Variants in PANK1 observed in about 807,000 individuals in gnomAD.
The protein encoded by PANK1 is pantothenic acid kinase 1.
PANK1 carries 18 observed loss-of-function variants against 40.1 expected under a neutral mutation model. That is an observed-to-expected ratio of 0.45 (90% CI 0.31 to 0.67). The LOEUF (loss-of-function observed/expected upper bound fraction) is 0.67, where lower values mean the gene tolerates loss of function less well. Among genes scored for constraint, PANK1 ranks in the 30% least tolerant of loss-of-function variants. PANK1 has a pLI of 0.06. For synonymous variants in PANK1, 242 were observed against 237.7 expected (o/e 1.02, Z -0.17); for missense variants, 457 against 599.6 (o/e 0.76, Z 2.48).
At chr10:89,633,701 T>C (rs1430574722) in intron 1 of PANK1, among the ~76,000 whole-genome samples, 1 of 152,166 alleles carries the variant, frequency 6.6e-6, no homozygotes, top group Admixed American at 6.5e-5. Context: ...ACACTCTAGC[T>C]TAAAGTCACA....
chr10:89,617,553 G>A (rs948559711), intron 1 of PANK1, among the ~76,000 whole-genome samples: 1 of 152,200 alleles, frequency 6.6e-6, no homozygotes, highest in African/African-American at 2.4e-5. Context: ...AAAAGCAGCT[G>A]CTTCTCCTTC....
intron 1 of PANK1, among the ~76,000 whole-genome samples, chr10:89,635,308 T>C (rs117133477): frequency 0.01 from 1,548 of 152,248 alleles, 15 homozygotes; most frequent in Middle Eastern, 0.024. Context: ...AAGGCCAAGA[T>C]TGGGGGGCTG....
At chr10:89,621,250 G>A (rs564586531) in intron 1 of PANK1, among the ~76,000 whole-genome samples, 13 of 151,676 alleles carry the variant, frequency 8.6e-5, no homozygotes, top group Admixed American at 7.2e-4. Flanking sequence ...GCAGTGAGCC[G>A]AGATCGTGCC....
intron 1 of PANK1, among the ~76,000 whole-genome samples, chr10:89,637,488 T>C (rs575853824): frequency 2.0e-5 from 3 of 152,328 alleles, no homozygotes; most frequent in East Asian, 1.9e-4. Context: ...CTTAGTACTA[T>C]AGGCAATTGT....
chr10:89,636,600 T>G (rs1197796974), intron 1 of PANK1, among the ~76,000 whole-genome samples: 1 of 149,108 alleles, frequency 6.7e-6, no homozygotes. Flanking sequence ...TACAGGCGCA[T>G]GCCACCATGC....
chr10:89,612,873 A>G (rs1845204538), intron 1 of PANK1, among the ~76,000 whole-genome samples: 2 of 152,298 alleles, frequency 1.3e-5, no homozygotes, highest in East Asian at 3.9e-4. Context: ...TCCAGACATG[A>G]ATATCTTTTA....
At chr10:89,635,143 T>TATAG (rs1554843020) in intron 1 of PANK1, among the ~76,000 whole-genome samples, 14 of 150,952 alleles carry the variant, frequency 9.3e-5, no homozygotes, top group South Asian at 2.1e-4. Context: ...TATATATATA[T>TATAG]AGAGAGAGAG....
At chr10:89,593,151 G>C (rs769955176) in intron 5 of PANK1, 46 bp downstream of exon 5, 1 of 1,596,228 alleles carries the variant, frequency 6.3e-7, no homozygotes, top group Non-Finnish European at 8.6e-7. Context: ...CCAAGATGAT[G>C]TATATGAATG....
chr10:89,592,922 T>C (rs1724323970), intron 5 of PANK1: 1 of 530,860 alleles, frequency 1.9e-6, no homozygotes. Context: ...ATGGCAATAA[T>C]GATGGTTAGA....
At chr10:89,633,894 A>G (rs1035414071) in intron 1 of PANK1, among the ~76,000 whole-genome samples, 2 of 152,172 alleles carry the variant, frequency 1.3e-5, no homozygotes, top group Admixed American at 6.5e-5. Flanking sequence ...TTGCTTAAAT[A>G]CTTGTCAGCA....
intron 5 of PANK1, 146 bp downstream of exon 5, chr10:89,593,051 C>G (rs1192356875): frequency 2.6e-6 from 2 of 773,694 alleles, no homozygotes; most frequent in Non-Finnish European, 4.4e-6. Context: ...CCCCAACACA[C>G]ACCCCTCCTG....
intron 2 of PANK1, among the ~76,000 whole-genome samples, chr10:89,610,626 G>C (rs1845124513): frequency 6.6e-6 from 1 of 152,162 alleles, no homozygotes; most frequent in Admixed American, 6.5e-5. Flanking sequence ...TAAATACCAT[G>C]AATGTGCACT....
chr10:89,597,783 T>C (rs1844656455), intron 3 of PANK1, among the ~76,000 whole-genome samples: 1 of 152,224 alleles, frequency 6.6e-6, no homozygotes, highest in Admixed American at 6.5e-5. Context: ...TTAAAAATTA[T>C]GTTTATCAAA....
chr10:89,637,532 C>A (rs1251071992), intron 1 of PANK1, among the ~76,000 whole-genome samples: 1 of 152,074 alleles, frequency 6.6e-6, no homozygotes, highest in Non-Finnish European at 1.5e-5. Context: ...CTAAACATAC[C>A]TAAACATAGA....
In PANK1 at chr10:89,612,184, T is replaced by C. The variant is rs1043811289; in HGVS notation, c.293-136A>G. 22 of 784,540 alleles carry C rather than the reference T, an allele frequency of 2.8e-5. No homozygotes were observed. In the African/African-American group the frequency reaches 3.7e-4, roughly 13 times the overall value. 48.6% of individuals were successfully genotyped at this position (784,540 alleles called of 1,614,324 possible). A position where few individuals can be genotyped will look rare whatever the true frequency, so the allele number is the denominator to read the frequency against. On this transcript the variant is annotated intron_variant, in intron 1 of 6. Transcript: ENST00000307534. ...AACATTCAATTTATTTGAATTCAACTATATGTGCCTAAAAGGTGGCACAGA... is the reference window on the plus strand; with the variant it reads ...AACATTCAATTTATTTGAATTCAACCATATGTGCCTAAAAGGTGGCACAGA...
chr10:89,593,263 G>C lies in PANK1; in HGVS notation c.1134C>G (p.Ala378=), dbSNP rs768640094. ...TGGTGATGGTGACCAATGTGGCCCG[G>C]GCGAGGTCTTCCTTGCTGATGGAAT... is the stretch of plus-strand genomic sequence containing the variant. ...KRDSISKEDL[A]RATLVTITNN... is the part of the protein sequence containing the mutation. The change falls in exon 5 of 7, where the codon GCC becomes GCG. Residue 378 remains alanine (A), a synonymous_variant. Coordinates refer to ENST00000307534, the MANE Select transcript of PANK1 (RefSeq NM_148977.3). 29 of 1,613,722 alleles carry C rather than the reference G, an allele frequency of 1.8e-5. No homozygotes were observed. The South Asian group carries it at 2.5e-4, about 14-fold the overall frequency.
At chr10:89,593,117 T>C in intron 5 of PANK1, 80 bp downstream of exon 5, 1 of 1,376,458 alleles carries the variant, frequency 7.3e-7, no homozygotes, top group Non-Finnish European at 1.0e-6. Flanking sequence ...TGTAGTTGTG[T>C]AAGAGTCAAC....
intron 5 of PANK1, among the ~76,000 whole-genome samples, 167 bp from the exon 6 acceptor site, chr10:89,588,944 A>G (rs1257348466): frequency 6.6e-6 from 1 of 152,194 alleles, no homozygotes; most frequent in Non-Finnish European, 1.5e-5. Flanking sequence ...CCAACCTTAT[A>G]GTGCATTCCA....
At chr10:89,630,483 A>C (rs12762448) in intron 1 of PANK1, among the ~76,000 whole-genome samples, 27,157 of 150,150 alleles carry the variant, frequency 0.18, 2,852 homozygotes, top group East Asian at 0.35. Context: ...GGTGATCTCT[A>C]ATGTGCAGTT....
Sources: gnomAD v4.1 joint callset for allele counts (sites outside exome capture counted in the v4.1 genomes callset) on GRCh38, gnomAD v4.1.1 for gene constraint, MANE v1.5 for transcripts, NCBI Gene and HGNC (gene_info 2026-07-23, HGNC 2026-07-21) for gene names.